Variants in DOCK3 observed in about 807,000 individuals in gnomAD.
DOCK3 encodes the protein dedicator of cytokinesis 3, also known as dedicator of cytokinesis protein 3.
In DOCK3, 60 loss-of-function variants were observed where a neutral mutation model predicts 265.6. The observed-to-expected ratio is 0.23, with a 90% CI of 0.18 to 0.28. The LOEUF (loss-of-function observed/expected upper bound fraction) is 0.28, where lower values mean the gene tolerates loss of function less well. Ranked by LOEUF, DOCK3 falls within the 10% of genes least tolerant of loss-of-function variation. The pLI is 1.00. For synonymous variants in DOCK3, 881 were observed against 938.0 expected, an observed-to-expected ratio of 0.94 and a Z score of 1.11; for missense variants, 1,981 against 2,594.3, an observed-to-expected ratio of 0.76 and a Z score of 5.14.
At chr3:50,824,361 G>C (rs1015011117) in intron 2 of DOCK3, among the ~76,000 whole-genome samples, 5 of 152,090 alleles carry the variant, frequency 3.3e-5, no homozygotes, top group African/African-American at 9.7e-5. Context: ...GAAGCCTCAG[G>C]GTTTGAAGGT....
chr3:50,755,616 G>A (rs2040110197), intron 1 of DOCK3, among the ~76,000 whole-genome samples: 1 of 152,080 alleles, frequency 6.6e-6, no homozygotes, highest in African/African-American at 2.4e-5. Flanking sequence ...TCTAATTTCA[G>A]GACATTTTCA....
chr3:51,122,010 G>T (rs964603466), intron 9 of DOCK3, among the ~76,000 whole-genome samples: 2 of 151,986 alleles, frequency 1.3e-5, no homozygotes, highest in African/African-American at 2.4e-5. Flanking sequence ...GAAGCCCAAG[G>T]GTCTGTACTT....
chr3:50,788,134 T>G (rs2042280852), intron 2 of DOCK3: 1 of 771,112 alleles, frequency 1.3e-6, no homozygotes, highest in South Asian at 1.8e-5. Context: ...GTTCCCTTTG[T>G]TACACTTTGG....
At position 50,785,559 on chromosome 3, in the gene DOCK3, A is replaced by T. The variant is rs551148508; in HGVS notation, c.121+6801A>T. Among the ~76,000 whole-genome samples, 3 of 152,324 alleles carry T rather than the reference A, an allele frequency of 2.0e-5. No individual in the cohort carries two copies. The East Asian group carries it at 5.8e-4, about 29-fold the overall frequency. On this transcript the variant is annotated intron_variant, in intron 2 of 52. Transcript: ENST00000266037. ...TTTGTCAAATCCTTTTTATGCATCT[A>T]TTGAGATGATCATGTGATTTTTGTT...
intron 23 of DOCK3, among the ~76,000 whole-genome samples, chr3:51,269,145 AT>A (rs2080361812): frequency 6.8e-6 from 1 of 147,678 alleles, no homozygotes; most frequent in African/African-American, 2.5e-5. Flanking sequence ...CTCTATATAT[AT>A]ATATTTATTT....
At chr3:51,339,669 T>G (rs1447393042) in intron 37 of DOCK3, among the ~76,000 whole-genome samples, 2 of 152,222 alleles carry the variant, frequency 1.3e-5, no homozygotes, top group African/African-American at 4.8e-5. Context: ...GGCTGTCACA[T>G]CTGTTTACTG....
chr3:50,940,564 A>G (rs1196124202), intron 5 of DOCK3, among the ~76,000 whole-genome samples: 5 of 152,306 alleles, frequency 3.3e-5, no homozygotes, highest in African/African-American at 9.6e-5. Flanking sequence ...TTATAGGGAA[A>G]GTTGAAATTA....
At chr3:50,746,154 G>C (rs1222100082) in intron 1 of DOCK3, among the ~76,000 whole-genome samples, 2 of 141,928 alleles carry the variant, frequency 1.4e-5, no homozygotes, top group Non-Finnish European at 3.0e-5. Flanking sequence ...CTGTTGCCCA[G>C]GCTGGAGTGC....
At chr3:50,697,017 A>G (rs2035671975) in intron 1 of DOCK3, among the ~76,000 whole-genome samples, 1 of 148,724 alleles carries the variant, frequency 6.7e-6, no homozygotes. Context: ...TGTAACCTCC[A>G]CCTCCTGGGT....
chr3:50,792,348 G>C (rs1489752365), intron 2 of DOCK3, among the ~76,000 whole-genome samples: 1 of 152,140 alleles, frequency 6.6e-6, no homozygotes, highest in Non-Finnish European at 1.5e-5. Context: ...AGCTTAAGGA[G>C]CTTTGGGGCT....
intron 1 of DOCK3, among the ~76,000 whole-genome samples, chr3:50,753,943 G>A (rs1289892869): frequency 6.6e-6 from 1 of 152,010 alleles, no homozygotes; most frequent in Non-Finnish European, 1.5e-5. Context: ...GTCACCTGGG[G>A]TCAGGAGTTT....
intron 19 of DOCK3, among the ~76,000 whole-genome samples, chr3:51,230,052 A>G (rs1480363): frequency 0.91 from 138,896 of 152,290 alleles, 63,485 homozygotes; most frequent in African/African-American, 0.96. Flanking sequence ...TCAAATGACA[A>G]GATCTCTCCC....
At chr3:51,339,130 C>T in intron 37 of DOCK3, 102 bp downstream of exon 37, 1 of 1,005,382 alleles carries the variant, frequency 9.9e-7, no homozygotes, top group Non-Finnish European at 1.4e-6. Flanking sequence ...TGCCAGATCT[C>T]AGCAGAATGT....
intron 1 of DOCK3, among the ~76,000 whole-genome samples, chr3:50,697,459 C>T (rs1165930865): frequency 1.3e-5 from 2 of 151,948 alleles, no homozygotes; most frequent in South Asian, 2.1e-4. Context: ...GGTGTGGTGG[C>T]GGGTGCCTGT....
chr3:51,187,976 A>G (rs1576354523), intron 12 of DOCK3, among the ~76,000 whole-genome samples: 2 of 152,134 alleles, frequency 1.3e-5, no homozygotes, highest in South Asian at 2.1e-4. Flanking sequence ...ATGTGCCTTC[A>G]TGTAATATGA....
chr3:51,311,436 G>T (rs910384986), intron 28 of DOCK3, among the ~76,000 whole-genome samples: 1 of 152,138 alleles, frequency 6.6e-6, no homozygotes. Context: ...CCTTCTATGT[G>T]CCCAGGCTGA....
intron 3 of DOCK3, among the ~76,000 whole-genome samples, chr3:50,844,262 C>T (rs1406116196): frequency 6.6e-6 from 1 of 152,202 alleles, no homozygotes; most frequent in Non-Finnish European, 1.5e-5. Flanking sequence ...GTCATCCAGG[C>T]TGGAGTCCAG....
At chr3:50,875,209 G>A (rs890030111) in intron 3 of DOCK3, among the ~76,000 whole-genome samples, 39 of 151,974 alleles carry the variant, frequency 2.6e-4, no homozygotes, top group Admixed American at 2.6e-3. Context: ...AGAACTTAAA[G>A]TAAAATTAAA....
rs1438417157 is a variant in DOCK3, at chr3:51,374,217, G to A, written c.5294-252G>A. On this transcript the variant is annotated intron_variant, in intron 49 of 52. Coordinates refer to ENST00000266037, the MANE Select transcript of DOCK3 (RefSeq NM_004947.5). The surrounding 1 kb of genome is among the most constrained non-coding windows in gnomAD (Gnocchi z 4.8). Reference sequence around the variant, plus strand: ...CTCCTCACCCTCTGCTTCTGAGCATGGTGGGGACTCTGTCAGCGGATCTGC... The same window carrying A: ...CTCCTCACCCTCTGCTTCTGAGCATAGTGGGGACTCTGTCAGCGGATCTGC... Among the ~76,000 whole-genome samples, 2 of 152,180 alleles carry A rather than the reference G, an allele frequency of 1.3e-5. No individual in the cohort carries two copies. Among genetic ancestry groups the A allele is most frequent in the Non-Finnish European group, 2.9e-5 (2 of 68,046 alleles).
Sources: gnomAD v4.1 joint callset for allele counts (sites outside exome capture counted in the v4.1 genomes callset) on GRCh38, gnomAD v4.1.1 for gene constraint, Gnocchi (gnomAD v3.1) non-coding constraint, MANE v1.5 for transcripts, NCBI Gene and HGNC (gene_info 2026-07-23, HGNC 2026-07-21) for gene names.